MLKL: variants seen among roughly 807,000 people sequenced by gnomAD.
MLKL encodes mixed lineage kinase domain like pseudokinase, also known as mixed lineage kinase domain-like protein.
MLKL carries 55 observed loss-of-function variants against 56.5 expected under a neutral mutation model. The observed-to-expected ratio is 0.97, with a 90% CI of 0.78 to 1.22. The LOEUF (loss-of-function observed/expected upper bound fraction) is 1.22, where lower values mean the gene tolerates loss of function less well. MLKL is among the 50% of genes most tolerant of loss of function. The pLI, the probability that MLKL is intolerant of heterozygous loss-of-function variation, is 0.00. For synonymous variants in MLKL, 251 were observed against 208.3 expected (o/e 1.20, Z -1.76); for missense variants, 694 against 573.9 (o/e 1.21, Z -2.14).
intron 7 of MLKL, chr16:74,676,164 G>A (rs930372178): frequency 4.8e-6 from 4 of 832,706 alleles, no homozygotes; most frequent in South Asian, 5.2e-5. Flanking sequence ...TGCCTGGCTC[G>A]CCTTTTCCCA....
In MLKL at chr16:74,685,547, G is replaced by C. The variant is rs373266467; in HGVS notation, c.759C>G (p.Thr253=). ...TGTTGGGAGATTCGAATTTCTTCAT[G>C]GTTTTGATCTCCTTATTGAAAGTCT... ...VRQTFNKEIK[T]MKKFESPNIL... Residue 253 remains threonine, a synonymous_variant, in exon 5 of 11, where the codon ACC becomes ACG. Transcript: ENST00000308807. 1.2e-6 allele frequency: 2 copies of C among 1,613,872 alleles called. No homozygotes were observed. The highest frequency in any genetic ancestry group is 1.7e-6 in the Non-Finnish European group (2 of 1,179,936).
chr16:74,681,953 C>G (rs894032945), intron 6 of MLKL, among the ~76,000 whole-genome samples: 2 of 152,002 alleles, frequency 1.3e-5, no homozygotes, highest in Non-Finnish European at 2.9e-5. Flanking sequence ...AAATGTTTAT[C>G]CAAAATTTGA....
At chr16:74,683,292 C>CAA (rs35354922) in intron 5 of MLKL, among the ~76,000 whole-genome samples, 2,400 of 131,090 alleles carry the variant, frequency 0.018, 31 homozygotes, top group Middle Eastern at 0.027. Flanking sequence ...CACTACATCT[C>CAA]AAAAAAAAAA....
chr16:74,673,144 T>C (rs118054651), intron 10 of MLKL, among the ~76,000 whole-genome samples: 1 of 152,184 alleles, frequency 6.6e-6, no homozygotes, highest in Non-Finnish European at 1.5e-5. Flanking sequence ...TGCTCAAGAC[T>C]TCTGTAAGCA....
chr16:74,682,742 C>A lies in MLKL; in HGVS notation c.865G>T (p.Gly289Trp), dbSNP rs150170082. ...FSIVMEYCELGTLRELLDREK... is the reference protein window; with the variant it reads ...FSIVMEYCELWTLRELLDREK... ...CTATCCAACAGCTCCCTCAGGGTCCCGAGTTCACAGTACTCCATGACAATG... is the reference window on the plus strand; with the variant it reads ...CTATCCAACAGCTCCCTCAGGGTCCAGAGTTCACAGTACTCCATGACAATG... The change falls in exon 6 of 11, where the codon GGG becomes TGG. Residue 289 changes from glycine to tryptophan, a missense_variant. Coordinates refer to ENST00000308807, the MANE Select transcript of MLKL (RefSeq NM_152649.4). The A allele has an allele frequency of 3.1e-6, 5 of 1,613,958 alleles. No homozygotes were observed. The African/African-American group carries it at 4.0e-5, about 13-fold the overall frequency.
chr16:74,676,732 T>A (rs1007798029), intron 7 of MLKL: 1 of 152,436 alleles, frequency 6.6e-6, no homozygotes, highest in Non-Finnish European at 1.5e-5. Context: ...CTCGTAGGAC[T>A]GGAAGAAAGA....
chr16:74,692,496 C>A (rs769904042), intron 2 of MLKL, 80 bp from the exon 3 acceptor site: 1 of 1,131,056 alleles, frequency 8.8e-7, no homozygotes, highest in African/African-American at 1.6e-5. Context: ...CTAATTAAAA[C>A]TGTTGAGATA....
At chr16:74,690,888 A>T (rs1411961034) in intron 4 of MLKL, among the ~76,000 whole-genome samples, 1 of 147,946 alleles carries the variant, frequency 6.8e-6, no homozygotes, top group Non-Finnish European at 1.5e-5. Context: ...CATGATGTTG[A>T]GTGAAAAAAG....
At chr16:74,682,323 A>T (rs1295964332) in intron 6 of MLKL, among the ~76,000 whole-genome samples, 1 of 152,194 alleles carries the variant, frequency 6.6e-6, no homozygotes, top group Non-Finnish European at 1.5e-5. Context: ...ATGCACTTAT[A>T]CTAAAAAATG....
In MLKL at chr16:74,671,923, G is replaced by C. The variant is rs551498452; in HGVS notation, c.*581C>G. 6.6e-6 allele frequency: 1 copy of C among 152,350 alleles called. No homozygotes were observed. Among genetic ancestry groups the C allele is most frequent in the African/African-American group, 2.4e-5 (1 of 41,558 alleles). 9.4% of individuals were successfully genotyped at this position (152,350 alleles called of 1,614,324 possible). On this transcript the variant is annotated 3_prime_UTR_variant, in exon 11 of 11. Transcript: ENST00000308807. Reference sequence around the variant, plus strand: ...GAATGGGCAATTTGGGCTGGGATCTGCTTGAGTGGTTCTTCTGGTCTTGAT... The same window carrying C: ...GAATGGGCAATTTGGGCTGGGATCTCCTTGAGTGGTTCTTCTGGTCTTGAT...
At chr16:74,686,726 C>T (rs1960354295) in intron 4 of MLKL, among the ~76,000 whole-genome samples, 2 of 152,226 alleles carry the variant, frequency 1.3e-5, no homozygotes, top group African/African-American at 4.8e-5. Flanking sequence ...TGTTCATTCA[C>T]TCTGAGTCTT....
At chr16:74,690,132 G>T (rs951230944) in intron 4 of MLKL, among the ~76,000 whole-genome samples, 1 of 152,142 alleles carries the variant, frequency 6.6e-6, no homozygotes, top group East Asian at 1.9e-4. Flanking sequence ...ATTTATGGAA[G>T]AGAAAACCCA....
At chr16:74,684,534 A>C (rs1487232469) in intron 5 of MLKL, among the ~76,000 whole-genome samples, 5 of 150,290 alleles carry the variant, frequency 3.3e-5, no homozygotes, top group Non-Finnish European at 5.9e-5. Context: ...TCACTCTGTC[A>C]CCCAGGCTGG....
chr16:74,680,642 G>C (rs771743772), intron 6 of MLKL, among the ~76,000 whole-genome samples: 5 of 152,164 alleles, frequency 3.3e-5, no homozygotes, highest in Admixed American at 6.5e-5. Context: ...GAGTAGCTGG[G>C]ACTATAGGTG....
At chr16:74,673,397 T>C (rs1959359010) in intron 10 of MLKL, among the ~76,000 whole-genome samples, 1 of 152,138 alleles carries the variant, frequency 6.6e-6, no homozygotes, top group Non-Finnish European at 1.5e-5. Flanking sequence ...TTTGTATTTT[T>C]AGTAGAGATA....
At chr16:74,682,926 GT>G in intron 5 of MLKL, 140 bp from the exon 6 acceptor site, 1 of 1,020,172 alleles carries the variant, frequency 9.8e-7, no homozygotes, top group Non-Finnish European at 1.4e-6. Context: ...TCAGCCCACA[GT>G]TTTGGTCCCC....
At chr16:74,679,948 C>A (rs376657338) in intron 6 of MLKL, among the ~76,000 whole-genome samples, 7 of 152,186 alleles carry the variant, frequency 4.6e-5, no homozygotes, top group Non-Finnish European at 7.3e-5. Flanking sequence ...CAGGTGAAAT[C>A]CCAGGCTCAG....
intron 4 of MLKL, 52 bp from the exon 5 acceptor site, chr16:74,685,635 G>A (rs1039552202): frequency 2.1e-6 from 3 of 1,449,466 alleles, no homozygotes; most frequent in Non-Finnish European, 2.9e-6. Context: ...AGGTTCCTTA[G>A]AGAACATTCA....
At position 74,672,346 on chromosome 16, in the gene MLKL, T is replaced by C; in HGVS notation, c.*158A>G. 1 of 672,416 alleles carries C rather than the reference T, an allele frequency of 1.5e-6. No individual in the cohort carries two copies. The highest frequency in any genetic ancestry group is 2.7e-6 in the Non-Finnish European group (1 of 374,622). 41.7% of individuals were successfully genotyped at this position (672,416 alleles called of 1,614,324 possible). A position where few individuals can be genotyped will look rare whatever the true frequency, so the allele number is the denominator to read the frequency against. The stretch of plus-strand genomic sequence containing the variant: ...ATATCATTTGGAGTGGGATGTGTCC[T>C]GTATGACTGGAATCGTTTTCTATTT... On this transcript the variant is annotated 3_prime_UTR_variant, in exon 11 of 11. Coordinates refer to ENST00000308807, the MANE Select transcript of MLKL (RefSeq NM_152649.4).
Sources: gnomAD v4.1 joint callset for allele counts (sites outside exome capture counted in the v4.1 genomes callset) on GRCh38, gnomAD v4.1.1 for gene constraint, MANE v1.5 for transcripts, NCBI Gene and HGNC (gene_info 2026-07-23, HGNC 2026-07-21) for gene names.